Variants in RGS6 observed in about 807,000 individuals in gnomAD.
RGS6 encodes the protein regulator of G protein signaling 6.
Under a neutral mutation model 78.5 loss-of-function variants are expected in RGS6, and 30 were observed. The observed-to-expected ratio is 0.38, with a 90% CI of 0.29 to 0.52. RGS6 has a LOEUF of 0.52. RGS6 is among the 20% of genes least tolerant of loss of function. The pLI is 0.85. For missense variants in RGS6, 495 were observed against 609.7 expected (o/e 0.81, Z 1.98); for synonymous variants, 206 against 206.0 (o/e 1.00, Z 0.00).
intron 2 of RGS6, among the ~76,000 whole-genome samples, chr14:72,280,287 A>C (rs1246679173): frequency 6.6e-6 from 1 of 152,200 alleles, no homozygotes; most frequent in African/African-American, 2.4e-5. Flanking sequence ...AATAATAGGG[A>C]ATAGAGATAG....
chr14:71,884,247 C>T, the RGS6 span, among the ~76,000 whole-genome samples: 6 of 152,176 alleles, frequency 3.9e-5, no homozygotes, highest in East Asian at 3.9e-4. Flanking sequence ...CCAGGGACTC[C>T]GCTGTGTCAT....
chr14:72,399,904 A>G (rs1265347475), intron 3 of RGS6, among the ~76,000 whole-genome samples: 1 of 152,234 alleles, frequency 6.6e-6, no homozygotes, highest in Admixed American at 6.5e-5. Flanking sequence ...GCCCAAATCT[A>G]CATCTAATTG....
the RGS6 span, among the ~76,000 whole-genome samples, chr14:72,605,542 C>T: frequency 6.6e-6 from 1 of 152,336 alleles, no homozygotes; most frequent in South Asian, 2.1e-4. Flanking sequence ...CTGCTAAAAG[C>T]GCTGATGGTT....
At chr14:72,376,365 A>G (rs1436294449) in intron 3 of RGS6, among the ~76,000 whole-genome samples, 1 of 152,252 alleles carries the variant, frequency 6.6e-6, no homozygotes, top group Non-Finnish European at 1.5e-5. Flanking sequence ...ATGGGATATC[A>G]TTAAGTGAAC....
rs142745938 is a variant in RGS6 at position 72,248,296 on chromosome 14, A to C, written c.85-103799A>C. Reference sequence around the variant, plus strand: ...AGATATGAGAAGCCAGCTGTGGTCCATTAAGCCAGAGGGTAAAGAGATTTG... The same window carrying C: ...AGATATGAGAAGCCAGCTGTGGTCCCTTAAGCCAGAGGGTAAAGAGATTTG... On this transcript the variant is annotated intron_variant, in intron 2 of 17. Transcript: ENST00000553525. 1.3e-3 allele frequency among the ~76,000 whole-genome samples: 200 copies of C among 152,360 alleles called. 1 individual carries two copies. Among genetic ancestry groups the C allele is most frequent in the African/African-American group, 4.5e-3 (188 of 41,582 alleles).
At chr14:72,588,965 C>T in the RGS6 span, among the ~76,000 whole-genome samples, 1 of 152,216 alleles carries the variant, frequency 6.6e-6, no homozygotes, top group Non-Finnish European at 1.5e-5. Flanking sequence ...GTTCCAACAC[C>T]AAACACTTCT....
At chr14:72,115,502 C>A (rs890202936) in intron 2 of RGS6, among the ~76,000 whole-genome samples, 6 of 152,148 alleles carry the variant, frequency 3.9e-5, no homozygotes, top group Non-Finnish European at 7.3e-5. Flanking sequence ...AGCCGACTGC[C>A]CTTCTCCATG....
intron 12 of RGS6, among the ~76,000 whole-genome samples, chr14:72,493,295 C>T (rs2096602367): frequency 6.6e-6 from 1 of 152,082 alleles, no homozygotes; most frequent in Non-Finnish European, 1.5e-5. Flanking sequence ...AAGTATAGAA[C>T]TCATATTATC....
intron 1 of RGS6, among the ~76,000 whole-genome samples, chr14:71,943,199 A>C (rs2090923632): frequency 6.6e-6 from 1 of 152,172 alleles, no homozygotes; most frequent in Non-Finnish European, 1.5e-5. Flanking sequence ...TTTGTTCTTA[A>C]AGGAGCACAA....
intron 2 of RGS6, among the ~76,000 whole-genome samples, chr14:72,179,798 C>G (rs1161302350): frequency 1.3e-5 from 2 of 152,100 alleles, no homozygotes; most frequent in Non-Finnish European, 2.9e-5. Flanking sequence ...GAACTTGTTA[C>G]AAATGCAGAT....
At chr14:72,237,424 A>G (rs1196329560) in intron 2 of RGS6, among the ~76,000 whole-genome samples, 1 of 152,136 alleles carries the variant, frequency 6.6e-6, no homozygotes, top group Non-Finnish European at 1.5e-5. Context: ...GAATGTATAT[A>G]TTGCCCTGGC....
chr14:72,522,983 C>T (rs1199689681), intron 15 of RGS6, among the ~76,000 whole-genome samples: 1 of 152,268 alleles, frequency 6.6e-6, no homozygotes, highest in African/African-American at 2.4e-5. Context: ...AATGTTTCTA[C>T]ATGAGGATTG....
intron 1 of RGS6, among the ~76,000 whole-genome samples, chr14:71,949,069 G>C (rs1466573591): frequency 2.0e-5 from 3 of 151,728 alleles, no homozygotes; most frequent in East Asian, 1.9e-4. Flanking sequence ...TTCATCTACT[G>C]TTGAGGGACA....
At chr14:71,919,037 C>A in the RGS6 span, among the ~76,000 whole-genome samples, 1 of 151,554 alleles carries the variant, frequency 6.6e-6, no homozygotes, top group Admixed American at 6.6e-5. Context: ...CATATATGAT[C>A]TACCCCAGTG....
intron 2 of RGS6, among the ~76,000 whole-genome samples, chr14:72,118,493 A>G (rs2095963573): frequency 6.6e-6 from 1 of 152,182 alleles, no homozygotes; most frequent in Non-Finnish European, 1.5e-5. Flanking sequence ...AAAATGATTT[A>G]CTTTCATATT....
intron 3 of RGS6, among the ~76,000 whole-genome samples, chr14:72,364,026 AC>A (rs758926349): frequency 4.0e-5 from 6 of 148,464 alleles, no homozygotes; most frequent in East Asian, 2.0e-4. Flanking sequence ...AAAAAAAAAA[AC>A]TCTATATTTA....
intron 2 of RGS6, among the ~76,000 whole-genome samples, chr14:72,285,329 G>A (rs1282945072): frequency 3.3e-5 from 5 of 152,110 alleles, no homozygotes; most frequent in African/African-American, 1.2e-4. Context: ...GGACCTGGTG[G>A]GAGATAATTG....
At chr14:72,275,206 A>T (rs554316022) in intron 2 of RGS6, among the ~76,000 whole-genome samples, 115 of 152,348 alleles carry the variant, frequency 7.5e-4, no homozygotes, top group Non-Finnish European at 1.4e-3. Flanking sequence ...TTTTCTAAAA[A>T]ATATCTTTAA....
chr14:72,493,298 A>T (rs1009908610), intron 12 of RGS6, among the ~76,000 whole-genome samples: 4 of 152,226 alleles, frequency 2.6e-5, no homozygotes, highest in Non-Finnish European at 5.9e-5. Flanking sequence ...TATAGAACTC[A>T]TATTATCTGA....
Sources: allele counts gnomAD v4.1 joint callset (sites outside exome capture counted in the v4.1 genomes callset), GRCh38; gene constraint gnomAD v4.1.1; transcripts MANE v1.5; gene names NCBI Gene and HGNC (gene_info 2026-07-23, HGNC 2026-07-21).